The following MT3 variants were observed in gnomAD, a reference collection of about 807,000 sequenced individuals.
The protein encoded by MT3 is metallothionein-3.
MT3 carries 8 observed loss-of-function variants against 10.9 expected under a neutral mutation model. That is an observed-to-expected ratio of 0.73 (90% CI 0.43 to 1.33). The LOEUF (loss-of-function observed/expected upper bound fraction) is 1.33. MT3 is among the 40% of genes most tolerant of loss of function. The probability of loss-of-function intolerance (pLI) is 0.01; values close to 1 mark genes in which losing one functional copy is unlikely to be tolerated. For synonymous variants in MT3, 32 were observed against 29.9 expected, an observed-to-expected ratio of 1.07 and a Z score of -0.23; for missense variants, 75 against 83.9, an observed-to-expected ratio of 0.89 and a Z score of 0.41.
chr16:56,589,898 C>T lies in MT3; in HGVS notation c.60C>T (p.Cys20=), dbSNP rs773486667. The part of the protein sequence containing the change: ...SGGSCTCADS[C]KCEGCKCTSC... Reference sequence around the variant, plus strand: ...GCTCCTGCACCTGCGCGGACTCCTGCAAGTGCGAGGGATGCAAATGCACCT... The same window carrying T: ...GCTCCTGCACCTGCGCGGACTCCTGTAAGTGCGAGGGATGCAAATGCACCT... The change falls in exon 2 of 3, where the codon TGC becomes TGT. Residue 20 remains cysteine (C), a synonymous_variant. Transcript: ENST00000200691. The T allele has an allele frequency of 6.2e-7, 1 of 1,614,116 alleles. No homozygotes were observed. The highest frequency in any genetic ancestry group is 1.1e-5 in the South Asian group (1 of 91,084).
rs1567334834 is a variant in MT3, at chr16:56,590,917, GC to G, written c.176del (p.Ala59GlufsTer49). 2 of 1,613,954 alleles carry G rather than the reference GC, an allele frequency of 1.2e-6. No individual in the cohort carries two copies. The highest frequency in any genetic ancestry group is 1.7e-6 in the Non-Finnish European group (2 of 1,179,986). ...GTGCAAAGGCGGAGAGGCAGCTGAGGCAGAAGCAGAGAAGTGCAGCTGCTGC... is the reference window on the plus strand; with the variant it reads ...GTGCAAAGGCGGAGAGGCAGCTGAGGAGAAGCAGAGAAGTGCAGCTGCTGC... ...CVCKGGEAAE[A>X]EAEKCSCCQ is the part of the protein sequence containing the mutation. On this transcript the variant is annotated frameshift_variant, in exon 3 of 3. Coordinates refer to ENST00000200691, the MANE Select transcript of MT3 (RefSeq NM_005954.4). LOFTEE classifies it high-confidence loss of function.
rs747654895 is a variant in MT3, at chr16:56,590,865, G to C, written c.123G>C (p.Glu41Asp). The C allele has an allele frequency of 6.2e-7, 1 of 1,614,070 alleles. No homozygotes were observed. Among genetic ancestry groups the C allele is most frequent in the Non-Finnish European group, 8.5e-7 (1 of 1,180,006 alleles). ...GCTGCTGCTCCTGCTGCCCTGCGGA[G>C]TGTGAGAAGTGTGCCAAGGACTGTG... is the stretch of plus-strand genomic sequence containing the variant. ...KKSCCSCCPA[E>D]CEKCAKDCVC... is the part of the protein sequence containing the mutation. The change falls in exon 3 of 3, where the codon GAG becomes GAC. Residue 41 changes from glutamate to aspartate, a missense_variant. Physicochemically the swap from Glu to Asp is conservative, Grantham distance 45. Coordinates refer to ENST00000200691, the MANE Select transcript of MT3 (RefSeq NM_005954.4).
In MT3 at chr16:56,591,022, G is replaced by A. The variant is rs1959816150; in HGVS notation, c.*73G>A. 7 of 1,263,814 alleles carry A rather than the reference G, an allele frequency of 5.5e-6. No individual in the cohort carries two copies. The East Asian group carries it at 1.7e-4, about 31-fold the overall frequency. The allele number at this position is 1,263,814 out of a possible 1,614,324, so 78.3% of individuals were successfully genotyped here. A position where few individuals can be genotyped will look rare whatever the true frequency, so the allele number is the denominator to read the frequency against. ...CAGTGCCACCTATGCCTGTGGTGAA[G>A]TGTGGCTGGTGTCCCCTTCCCCTGC... On this transcript the variant is annotated 3_prime_UTR_variant, in exon 3 of 3. Coordinates refer to ENST00000200691, the MANE Select transcript of MT3 (RefSeq NM_005954.4).
chr16:56,589,771 C>A, intron 1 of MT3, 99 bp from the exon 2 acceptor site: 2 of 1,574,548 alleles, frequency 1.3e-6, no homozygotes, highest in Non-Finnish European at 1.7e-6. Context: ...ATGCCTGTGT[C>A]GCGGAGAACA....
chr16:56,590,703 A>C (rs1308414790), intron 2 of MT3, 137 bp from the exon 3 acceptor site: 5 of 774,122 alleles, frequency 6.5e-6, no homozygotes, highest in Non-Finnish European at 8.5e-6. Context: ...CAGGTGTGAG[A>C]CTAAGAAGGG....
In MT3 at chr16:56,591,051, C is replaced by A; in HGVS notation, c.*102C>A. On this transcript the variant is annotated 3_prime_UTR_variant, in exon 3 of 3. Coordinates refer to ENST00000200691, the MANE Select transcript of MT3 (RefSeq NM_005954.4). ...GGCTGGTGTCCCCTTCCCCTGCTGA[C>A]CTTGGAGGAATGACAATAAATCCCA... 1 of 912,192 alleles carries A rather than the reference C, an allele frequency of 1.1e-6. No homozygotes were observed. The highest frequency in any genetic ancestry group is 1.7e-6 in the Non-Finnish European group (1 of 574,698). 56.5% of individuals were successfully genotyped at this position (912,192 alleles called of 1,614,324 possible).
At chr16:56,590,284 G>A (rs1309795991) in intron 2 of MT3, 5 of 598,824 alleles carry the variant, frequency 8.3e-6, no homozygotes, top group East Asian at 2.8e-5. Flanking sequence ...CTGGAGTTCC[G>A]GTCCCTTGGC....
chr16:56,591,007 T>TGGC lies in MT3; in HGVS notation c.*58_*59insGGC. The stretch of plus-strand genomic sequence containing the variant: ...TAGTGCCAGGTGGCTCAGTGCCACC[T>TGGC]ATGCCTGTGGTGAAGTGTGGCTGGT... On this transcript the variant is annotated 3_prime_UTR_variant, in exon 3 of 3. Coordinates refer to ENST00000200691, the MANE Select transcript of MT3 (RefSeq NM_005954.4). 1 of 1,453,112 alleles carries TGGC rather than the reference T, an allele frequency of 6.9e-7. No individual in the cohort carries two copies. Among genetic ancestry groups the TGGC allele is most frequent in the Non-Finnish European group, 9.5e-7 (1 of 1,047,642 alleles). 90.0% of individuals were successfully genotyped at this position (1,453,112 alleles called of 1,614,324 possible).
At position 56,589,636 on chromosome 16, in the gene MT3, CCG is replaced by C. The variant is rs1959796909; in HGVS notation, c.31+17_31+18del. ...CTGCCCTTCTGGTGAGCCCCCGCCCCCGCTCGCATCCTGCGCACTGCGCGCCC... is the reference window on the plus strand; with the variant it reads ...CTGCCCTTCTGGTGAGCCCCCGCCCCCTCGCATCCTGCGCACTGCGCGCCC... On this transcript the variant is annotated intron_variant, in intron 1 of 2. Transcript: ENST00000200691. 3 of 1,605,480 alleles carry C rather than the reference CCG, an allele frequency of 1.9e-6. No homozygotes were observed. The highest frequency in any genetic ancestry group is 1.7e-5 in the Admixed American group (1 of 59,936).
At chr16:56,589,800 T>C (rs1312876422) in intron 1 of MT3, 70 bp from the exon 2 acceptor site, 1 of 1,590,382 alleles carries the variant, frequency 6.3e-7, no homozygotes, top group East Asian at 2.2e-5. Flanking sequence ...TGGCACCCCA[T>C]CTCCTCGTGA....
intron 2 of MT3, 194 bp from the exon 3 acceptor site, chr16:56,590,646 G>C: frequency 6.6e-6 from 4 of 602,954 alleles, no homozygotes; most frequent in Non-Finnish European, 6.0e-6. Context: ...CCTCACTCCT[G>C]TGGAGGTGCA....
chr16:56,589,772 G>A, intron 1 of MT3, 98 bp from the exon 2 acceptor site: 1 of 1,575,296 alleles, frequency 6.3e-7, no homozygotes. Context: ...TGCCTGTGTC[G>A]CGGAGAACAG....
Position 56,589,577 on chromosome 16 carries a change from C to T in MT3, c.-14C>T. ...GAAGCCCGTTCACCGCCTCCAGCTGCTGCTCTCCTCGACATGGACCCTGAG... is the reference window on the plus strand; with the variant it reads ...GAAGCCCGTTCACCGCCTCCAGCTGTTGCTCTCCTCGACATGGACCCTGAG... On this transcript the variant is annotated 5_prime_UTR_variant, in exon 1 of 3. Transcript: ENST00000200691. 2 of 1,567,120 alleles carry T rather than the reference C, an allele frequency of 1.3e-6. No homozygotes were observed. Among genetic ancestry groups the T allele is most frequent in the South Asian group, 1.2e-5 (1 of 85,602 alleles).
Position 56,590,969 on chromosome 16 carries a change from G to A in MT3, c.*20G>A. The A allele has an allele frequency of 6.2e-7, 1 of 1,603,960 alleles. No homozygotes were observed. The highest frequency in any genetic ancestry group is 8.5e-7 in the Non-Finnish European group (1 of 1,174,446). On this transcript the variant is annotated 3_prime_UTR_variant, in exon 3 of 3. Transcript: ENST00000200691. ...CAGTGAGAAGGCACCCCTCCGTGTGGAGCACGTGGAGATAGTGCCAGGTGG... is the reference window on the plus strand; with the variant it reads ...CAGTGAGAAGGCACCCCTCCGTGTGAAGCACGTGGAGATAGTGCCAGGTGG...
Position 56,591,009 on chromosome 16 carries a change from T to C in MT3, c.*60T>C, listed in dbSNP as rs1959816015. 2.1e-6 allele frequency: 3 copies of C among 1,411,600 alleles called. No individual in the cohort carries two copies. The highest frequency in any genetic ancestry group is 4.8e-5 in the East Asian group (2 of 42,098). 87.4% of individuals were successfully genotyped at this position (1,411,600 alleles called of 1,614,324 possible). The stretch of plus-strand genomic sequence containing the variant: ...GTGCCAGGTGGCTCAGTGCCACCTA[T>C]GCCTGTGGTGAAGTGTGGCTGGTGT... On this transcript the variant is annotated 3_prime_UTR_variant, in exon 3 of 3. Coordinates refer to ENST00000200691, the MANE Select transcript of MT3 (RefSeq NM_005954.4).
chr16:56,590,331 C>T (rs1359451221), intron 2 of MT3: 1 of 584,628 alleles, frequency 1.7e-6, no homozygotes, highest in African/African-American at 1.9e-5. Context: ...AGTTTGATCT[C>T]AAAATCTCCC....
Position 56,589,897 on chromosome 16 carries a change from G to A in MT3, c.59G>A (p.Cys20Tyr), listed in dbSNP as rs2144277275. Residue 20 changes from cysteine to tyrosine, a missense_variant, in exon 2 of 3, where the codon TGC (cysteine) becomes TAC (tyrosine). Physicochemically the swap from Cys to Tyr is radical, Grantham distance 194. Coordinates refer to ENST00000200691, the MANE Select transcript of MT3 (RefSeq NM_005954.4). ...GGCTCCTGCACCTGCGCGGACTCCT[G>A]CAAGTGCGAGGGATGCAAATGCACC... ...SGGSCTCADS[C>Y]KCEGCKCTSC... The A allele has an allele frequency of 1.2e-6, 2 of 1,614,102 alleles. No homozygotes were observed. The highest frequency in any genetic ancestry group is 1.7e-6 in the Non-Finnish European group (2 of 1,180,014).
At chr16:56,590,069 C>T (rs747629195) in intron 2 of MT3, 134 bp downstream of exon 2, 4 of 900,242 alleles carry the variant, frequency 4.4e-6, no homozygotes, top group Admixed American at 2.0e-5. Flanking sequence ...TAGAACCACC[C>T]GGGCAGACAT....
intron 2 of MT3, chr16:56,590,215 C>T (rs1337998895): frequency 1.6e-6 from 1 of 616,118 alleles, no homozygotes; most frequent in East Asian, 2.7e-5. Flanking sequence ...CTTTCCCGAC[C>T]CATCCCTCAA....
Sources: allele counts gnomAD v4.1 joint callset, GRCh38; gene constraint gnomAD v4.1.1; transcripts MANE v1.5; gene names NCBI Gene and HGNC (gene_info 2026-07-23, HGNC 2026-07-21).